Variants in RALGAPA2 observed in about 807,000 individuals in gnomAD.
RALGAPA2 encodes ral GTPase-activating protein subunit alpha-2.
In RALGAPA2, 139 loss-of-function variants were observed where a neutral mutation model predicts 230.4. That is an observed-to-expected ratio of 0.60 (90% CI 0.53 to 0.69). RALGAPA2 has a LOEUF of 0.69. RALGAPA2 is among the 30% of genes least tolerant of loss of function. RALGAPA2 has a pLI of 0.00. For missense variants in RALGAPA2, 2,163 were observed against 2,276.0 expected, an observed-to-expected ratio of 0.95 and a Z score of 1.01; for synonymous variants, 847 against 837.8, an observed-to-expected ratio of 1.01 and a Z score of -0.19.
At chr20:20,704,708 AGAG>A (rs1388587181) in intron 1 of RALGAPA2, among the ~76,000 whole-genome samples, 1 of 152,328 alleles carries the variant, frequency 6.6e-6, no homozygotes, top group African/African-American at 2.4e-5. Flanking sequence ...TTCAAATCTC[AGAG>A]GAGAATGGGA....
At chr20:20,457,309 G>GT (rs2061145566) in intron 37 of RALGAPA2, among the ~76,000 whole-genome samples, 1 of 152,116 alleles carries the variant, frequency 6.6e-6, no homozygotes, top group Admixed American at 6.5e-5. Context: ...CCTATAAATC[G>GT]TATTATCTTT....
intron 24 of RALGAPA2, among the ~76,000 whole-genome samples, chr20:20,543,720 C>T (rs377001818): frequency 9.2e-5 from 14 of 152,120 alleles, no homozygotes; most frequent in Non-Finnish European, 1.6e-4. Flanking sequence ...TCACACACCA[C>T]GGCCTGTCGT....
At chr20:20,576,058 G>C (rs935077137) in intron 20 of RALGAPA2, among the ~76,000 whole-genome samples, 2 of 151,838 alleles carry the variant, frequency 1.3e-5, no homozygotes, top group African/African-American at 4.8e-5. Flanking sequence ...TGGCTTTAAT[G>C]CATTTATATT....
At chr20:20,399,442 C>T (rs895857843) in intron 38 of RALGAPA2, among the ~76,000 whole-genome samples, 1 of 151,766 alleles carries the variant, frequency 6.6e-6, no homozygotes, top group Admixed American at 6.6e-5. Flanking sequence ...GGAATCGAAG[C>T]CAGCCCTACT....
At chr20:20,667,497 G>GT (rs1254128758) in intron 3 of RALGAPA2, among the ~76,000 whole-genome samples, 1 of 152,204 alleles carries the variant, frequency 6.6e-6, no homozygotes, top group Non-Finnish European at 1.5e-5. Context: ...ATATAGGCGT[G>GT]TAATAAATCG....
rs1264117453 is a variant in RALGAPA2, at chr20:20,458,496, A to G, written c.5495+14333T>C. Among the ~76,000 whole-genome samples, 952 of 135,252 alleles carry G rather than the reference A, an allele frequency of 7.0e-3. 18 individuals are homozygous for G. Among genetic ancestry groups the G allele is most frequent in the South Asian group, 9.5e-3 (42 of 4,440 alleles). The allele number at this position is 135,252 out of a possible 152,430, so 88.7% of individuals were successfully genotyped here. A position where few individuals can be genotyped will look rare whatever the true frequency, so the allele number is the denominator to read the frequency against. ...TATATAATATATATGTATTTTATAT[A>G]TATTATATATAATATATATGTATTT... On this transcript the variant is annotated intron_variant, in intron 37 of 39. Coordinates refer to ENST00000202677, the MANE Select transcript of RALGAPA2 (RefSeq NM_020343.4).
chr20:20,502,553 C>T (rs1026993791), intron 35 of RALGAPA2, among the ~76,000 whole-genome samples: 1 of 152,130 alleles, frequency 6.6e-6, no homozygotes, highest in African/African-American at 2.4e-5. Context: ...CTGAATATAC[C>T]TCTGATCCCT....
At chr20:20,401,611 T>C (rs1284223934) in intron 38 of RALGAPA2, among the ~76,000 whole-genome samples, 3 of 152,202 alleles carry the variant, frequency 2.0e-5, no homozygotes, top group South Asian at 2.1e-4. Context: ...CTCAGGACTA[T>C]TTTTTAAAAG....
At chr20:20,662,928 TA>T in intron 3 of RALGAPA2, among the ~76,000 whole-genome samples, 1 of 152,116 alleles carries the variant, frequency 6.6e-6, no homozygotes, top group East Asian at 1.9e-4. Context: ...CAGCAAAAAA[TA>T]AAAAGCCTTG....
chr20:20,708,690 T>C (rs2069710472), intron 1 of RALGAPA2, among the ~76,000 whole-genome samples: 1 of 152,210 alleles, frequency 6.6e-6, no homozygotes, highest in African/African-American at 2.4e-5. Flanking sequence ...ACAAATCTCC[T>C]TAAAGATGCC....
chr20:20,464,024 A>G (rs923735884), intron 37 of RALGAPA2, among the ~76,000 whole-genome samples: 1 of 152,156 alleles, frequency 6.6e-6, no homozygotes, highest in African/African-American at 2.4e-5. Flanking sequence ...TCTGGTCCCT[A>G]TGGAAACGAA....
In RALGAPA2 at chr20:20,559,496, TA is replaced by T. The variant is rs748215014; in HGVS notation, c.3156+11961del. ...GACACTACACCTGTCCTGCCCATCG[TA>T]TGATGAAAAGCCCACCACATACAAA... is the stretch of plus-strand genomic sequence containing the variant. On this transcript the variant is annotated intron_variant, in intron 23 of 39. Coordinates refer to ENST00000202677, the MANE Select transcript of RALGAPA2 (RefSeq NM_020343.4). 7.5e-4 allele frequency among the ~76,000 whole-genome samples: 114 copies of T among 152,308 alleles called. 1 individual carries two copies. Among genetic ancestry groups the T allele is most frequent in the Non-Finnish European group, 1.5e-3 (102 of 68,026 alleles).
rs1017334611 is a variant in RALGAPA2, at chr20:20,707,943, A to T, written c.106+4432T>A. ...TTCCATCTTCCCCTGGTTGTAATTG[A>T]CCTTCCCCTCTACTTTCCCAGATTC... is the stretch of plus-strand genomic sequence containing the variant. On this transcript the variant is annotated intron_variant, in intron 1 of 39. Coordinates refer to ENST00000202677, the MANE Select transcript of RALGAPA2 (RefSeq NM_020343.4). Among the ~76,000 whole-genome samples, 6 of 152,104 alleles carry T rather than the reference A, an allele frequency of 3.9e-5. No individual in the cohort carries two copies. In the East Asian group the frequency reaches 1.2e-3, roughly 29 times the overall value.
chr20:20,687,899 T>C (rs1418297912), intron 1 of RALGAPA2, among the ~76,000 whole-genome samples: 1 of 152,144 alleles, frequency 6.6e-6, no homozygotes, highest in African/African-American at 2.4e-5. Flanking sequence ...GACACAAACT[T>C]TCTGTCAACA....
chr20:20,539,788 C>G (rs1261152570), intron 24 of RALGAPA2, among the ~76,000 whole-genome samples: 1 of 152,210 alleles, frequency 6.6e-6, no homozygotes, highest in African/African-American at 2.4e-5. Context: ...ACCACAGCCC[C>G]TGGGAACCAC....
At chr20:20,495,085 T>C (rs764624534) in intron 36 of RALGAPA2, 32 bp downstream of exon 36, 2 of 1,530,966 alleles carry the variant, frequency 1.3e-6, no homozygotes, top group South Asian at 2.4e-5. Context: ...AAATGCTTTA[T>C]GAGTCAGTAC....
intron 28 of RALGAPA2, among the ~76,000 whole-genome samples, chr20:20,525,388 T>C (rs1199264470): frequency 3.3e-5 from 5 of 152,178 alleles, no homozygotes; most frequent in African/African-American, 4.8e-5. Flanking sequence ...GAGCACTTTA[T>C]GTTCCCATGT....
At position 20,604,133 on chromosome 20, in the gene RALGAPA2, A is replaced by C. The variant is rs181741618; in HGVS notation, c.2038+1042T>G. ...CATGTATTTTGGCATTTTAATCACA[A>C]TGGCAGTTCCCTGCAACCTCACTCA... On this transcript the variant is annotated intron_variant, in intron 15 of 39. Transcript: ENST00000202677. 5.3e-3 allele frequency among the ~76,000 whole-genome samples: 812 copies of C among 152,310 alleles called. 6 individuals carry two copies. Among genetic ancestry groups the C allele is most frequent in the African/African-American group, 0.019 (774 of 41,568 alleles).
At chr20:20,582,943 C>G (rs1469955301) in intron 20 of RALGAPA2, 107 bp downstream of exon 20, 1 of 1,230,128 alleles carries the variant, frequency 8.1e-7, no homozygotes, top group Non-Finnish European at 1.1e-6. Flanking sequence ...GCATGGCACA[C>G]TTCCTCCTAC....
Sources: gnomAD v4.1 joint callset for allele counts (sites outside exome capture counted in the v4.1 genomes callset) on GRCh38, gnomAD v4.1.1 for gene constraint, MANE v1.5 for transcripts, NCBI Gene and HGNC (gene_info 2026-07-23, HGNC 2026-07-21) for gene names.